Variants in MARCHF4 observed in about 807,000 individuals in gnomAD.
MARCHF4 encodes the protein membrane associated ring-CH-type finger 4.
Under a neutral mutation model 43.9 loss-of-function variants are expected in MARCHF4, and 14 were observed. That is an observed-to-expected ratio of 0.32 (90% CI 0.21 to 0.50). The LOEUF (loss-of-function observed/expected upper bound fraction) is 0.50, where lower values mean the gene tolerates loss of function less well. MARCHF4 is among the 20% of genes least tolerant of loss of function. The probability of loss-of-function intolerance (pLI) is 0.98; values close to 1 mark genes in which losing one functional copy is unlikely to be tolerated. For synonymous variants in MARCHF4, 226 were observed against 213.3 expected, an observed-to-expected ratio of 1.06 and a Z score of -0.52; for missense variants, 468 against 536.7, an observed-to-expected ratio of 0.87 and a Z score of 1.27.
At chr2:216,323,069 G>T (rs1044889943) in intron 1 of MARCHF4, among the ~76,000 whole-genome samples, 3 of 152,276 alleles carry the variant, frequency 2.0e-5, no homozygotes, top group African/African-American at 2.4e-5. Flanking sequence ...TTCTCTGAGA[G>T]GCTTGGGTTT....
At chr2:216,284,166 A>T (rs575315206) in intron 1 of MARCHF4, among the ~76,000 whole-genome samples, 1 of 152,194 alleles carries the variant, frequency 6.6e-6, no homozygotes, top group African/African-American at 2.4e-5. Flanking sequence ...AATTGGAAGG[A>T]TCAGACCCAA....
chr2:216,315,794 A>G (rs1691764277), intron 1 of MARCHF4, among the ~76,000 whole-genome samples: 1 of 152,124 alleles, frequency 6.6e-6, no homozygotes. Flanking sequence ...CCTTTTTAGA[A>G]TGAGTGTGCA....
intron 1 of MARCHF4, among the ~76,000 whole-genome samples, chr2:216,343,565 C>A (rs188991943): frequency 6.6e-6 from 1 of 152,134 alleles, no homozygotes; most frequent in Non-Finnish European, 1.5e-5. Context: ...TCCATAATAG[C>A]GTCAGACACA....
At chr2:216,330,408 G>A (rs907362762) in intron 1 of MARCHF4, among the ~76,000 whole-genome samples, 2 of 152,106 alleles carry the variant, frequency 1.3e-5, no homozygotes, top group African/African-American at 2.4e-5. Flanking sequence ...TAAAGCCACA[G>A]TCACAGAGGG....
intron 1 of MARCHF4, among the ~76,000 whole-genome samples, chr2:216,325,855 C>T (rs1160725678): frequency 6.8e-6 from 1 of 147,824 alleles, no homozygotes; most frequent in East Asian, 2.0e-4. Context: ...ACCATAAAAA[C>T]CCTAGAAGAA....
At chr2:216,323,428 C>T (rs1304039151) in intron 1 of MARCHF4, among the ~76,000 whole-genome samples, 1 of 152,106 alleles carries the variant, frequency 6.6e-6, no homozygotes, top group Admixed American at 6.6e-5. Flanking sequence ...AACAAGGATA[C>T]CCAGGAATTG....
At chr2:216,308,864 CT>C (rs2105954768) in intron 1 of MARCHF4, among the ~76,000 whole-genome samples, 1 of 152,338 alleles carries the variant, frequency 6.6e-6, no homozygotes, top group South Asian at 2.1e-4. Flanking sequence ...TGCTTAGCAA[CT>C]CCTGGTCCCC....
At chr2:216,281,838 T>C (rs775513356) in intron 2 of MARCHF4, among the ~76,000 whole-genome samples, 2 of 152,190 alleles carry the variant, frequency 1.3e-5, no homozygotes, top group Non-Finnish European at 1.5e-5. Context: ...ATATGGATCC[T>C]TATAGATCCA....
intron 3 of MARCHF4, among the ~76,000 whole-genome samples, chr2:216,270,935 C>G (rs552590656): frequency 6.6e-6 from 1 of 152,192 alleles, no homozygotes; most frequent in African/African-American, 2.4e-5. Context: ...CATTTTCCAG[C>G]GAAGTCCTTC....
intron 1 of MARCHF4, among the ~76,000 whole-genome samples, chr2:216,323,633 C>T (rs2105965636): frequency 6.6e-6 from 1 of 152,254 alleles, no homozygotes; most frequent in Admixed American, 6.5e-5. Context: ...ACAGTGCAAT[C>T]AAACTAGAAC....
chr2:216,341,093 G>C (rs1692229797), intron 1 of MARCHF4, among the ~76,000 whole-genome samples: 1 of 152,192 alleles, frequency 6.6e-6, no homozygotes, highest in Non-Finnish European at 1.5e-5. Context: ...CAGGAAAGCA[G>C]TCACTGGAAC....
At chr2:216,366,738 C>A (rs1383598491) in intron 1 of MARCHF4, among the ~76,000 whole-genome samples, 2 of 152,104 alleles carry the variant, frequency 1.3e-5, no homozygotes, top group South Asian at 4.1e-4. Context: ...CCTTTCATTC[C>A]TTTCTAACTC....
chr2:216,346,011 G>A (rs1692314730), intron 1 of MARCHF4, among the ~76,000 whole-genome samples: 8 of 152,106 alleles, frequency 5.3e-5, no homozygotes, highest in Admixed American at 5.2e-4. Flanking sequence ...ATGAACAAGT[G>A]CTTCCTGACA....
At chr2:216,307,350 C>T (rs1032068786) in intron 1 of MARCHF4, among the ~76,000 whole-genome samples, 1 of 151,760 alleles carries the variant, frequency 6.6e-6, no homozygotes, top group African/African-American at 2.4e-5. Context: ...CAACAAATTA[C>T]AAGGGGGGTG....
chr2:216,260,297 G>C (rs1690720371), intron 3 of MARCHF4, among the ~76,000 whole-genome samples: 1 of 152,236 alleles, frequency 6.6e-6, no homozygotes, highest in South Asian at 2.1e-4. Flanking sequence ...CAGTCGGCAG[G>C]ACACCCTCTG....
chr2:216,366,767 C>A (rs1426643238), intron 1 of MARCHF4, among the ~76,000 whole-genome samples: 5 of 152,152 alleles, frequency 3.3e-5, no homozygotes, highest in Admixed American at 6.5e-5. Context: ...TTTTAAATTT[C>A]ATCACAGAGC....
At position 216,259,669 on chromosome 2, in the gene MARCHF4, G is replaced by A. The variant is rs761248187; in HGVS notation, c.876C>T (p.Ile292=). The change falls in exon 4 of 4, where the codon ATC becomes ATT. Residue 292 remains isoleucine (I), a synonymous_variant. Transcript: ENST00000273067. ...TGCGGTACACCGAGGGTCCTTCATG[G>A]ATGATGAGACCTGAGGCAGCAGGGA... ...FMDVVCIGLI[I]HEGPSVYRIF... The A allele has an allele frequency of 2.5e-6, 4 of 1,613,532 alleles. No homozygotes were observed. In the African/African-American group the frequency reaches 5.3e-5, roughly 22 times the overall value.
At chr2:216,312,702 T>A (rs939329173) in intron 1 of MARCHF4, among the ~76,000 whole-genome samples, 36 of 150,308 alleles carry the variant, frequency 2.4e-4, no homozygotes, top group Admixed American at 1.1e-3. Flanking sequence ...GAGAAATGTC[T>A]ATTCATGCCC....
At chr2:216,339,482 T>A (rs1559103252) in intron 1 of MARCHF4, among the ~76,000 whole-genome samples, 1 of 152,240 alleles carries the variant, frequency 6.6e-6, no homozygotes, top group Non-Finnish European at 1.5e-5. Flanking sequence ...CTGAGCAGTT[T>A]CCACATTTTT....
Sources: allele counts gnomAD v4.1 joint callset (sites outside exome capture counted in the v4.1 genomes callset), GRCh38; gene constraint gnomAD v4.1.1; transcripts MANE v1.5; gene names NCBI Gene and HGNC (gene_info 2026-07-23, HGNC 2026-07-21).